The following PCDH15 variants were observed in gnomAD, a reference collection of about 807,000 sequenced individuals.
PCDH15 encodes protocadherin related 15.
PCDH15 carries 129 observed loss-of-function variants against 178.5 expected under a neutral mutation model. The ratio of observed to expected loss-of-function variants is 0.72; its 90% confidence interval spans 0.63 to 0.84. The LOEUF is 0.84. Among genes scored for constraint, PCDH15 ranks in the 40% least tolerant of loss-of-function variants. PCDH15 has a pLI of 0.00. For synonymous variants in PCDH15, 800 were observed against 732.0 expected (o/e 1.09, Z -1.50); for missense variants, 2,230 against 2,099.9 (o/e 1.06, Z -1.21).
At chr10:55,303,710 T>G (rs1001043647) in intron 1 of PCDH15, among the ~76,000 whole-genome samples, 1 of 152,162 alleles carries the variant, frequency 6.6e-6, no homozygotes, top group African/African-American at 2.4e-5. Context: ...TTGTTTGTAA[T>G]ATTATCTTAT....
intron 2 of PCDH15, among the ~76,000 whole-genome samples, chr10:55,554,147 A>G (rs1342898357): frequency 6.6e-6 from 1 of 152,040 alleles, no homozygotes; most frequent in East Asian, 1.9e-4. Context: ...CAGTGATCTA[A>G]TAATTCTGAA....
intron 32 of PCDH15, among the ~76,000 whole-genome samples, chr10:53,827,041 A>T (rs1027213983): frequency 1.3e-5 from 2 of 151,674 alleles, no homozygotes; most frequent in African/African-American, 4.8e-5. Flanking sequence ...TATTTTTCAG[A>T]ATCTATTTAT....
At chr10:54,520,561 A>T (rs986314542) in intron 3 of PCDH15, among the ~76,000 whole-genome samples, 2 of 152,084 alleles carry the variant, frequency 1.3e-5, no homozygotes, top group Non-Finnish European at 2.9e-5. Context: ...AAGTCAGGAA[A>T]CAACAGGTGC....
At chr10:54,766,859 G>A (rs1374041226) in intron 1 of PCDH15, among the ~76,000 whole-genome samples, 1 of 151,988 alleles carries the variant, frequency 6.6e-6, no homozygotes, top group Non-Finnish European at 1.5e-5. Flanking sequence ...GAACCCCGGA[G>A]GTGGAGCTTG....
intron 3 of PCDH15, among the ~76,000 whole-genome samples, chr10:54,513,366 T>C (rs556306662): frequency 5.8e-4 from 88 of 152,014 alleles, no homozygotes; most frequent in Non-Finnish European, 1.1e-3. Flanking sequence ...GTTTAAGTGA[T>C]TCTCATGCCT....
At chr10:55,314,225 T>C (rs1178130450) in intron 1 of PCDH15, among the ~76,000 whole-genome samples, 3 of 144,536 alleles carry the variant, frequency 2.1e-5, no homozygotes, top group Non-Finnish European at 4.6e-5. Flanking sequence ...ATATATGTAA[T>C]GATAATATCT....
Position 55,334,314 on chromosome 10 carries a change from A to ATT in PCDH15, c.-155-167665_-155-167664dup, listed in dbSNP as rs11419000. Reference sequence around the variant, plus strand: ...TGTATATATCTATATATATATATATATTTTTTTTTTGAGACAGAGTTTCGC... The same window carrying ATT: ...TGTATATATCTATATATATATATATATTTTTTTTTTTTGAGACAGAGTTTCGC... On this transcript the variant is annotated intron_variant, in intron 2 of 5. Coordinates refer to the PCDH15 transcript ENST00000613346. Among the ~76,000 whole-genome samples, 123 of 119,586 alleles carry ATT rather than the reference A, an allele frequency of 1.0e-3. 1 individual carries two copies. Among genetic ancestry groups the ATT allele is most frequent in the East Asian group, 2.4e-3 (10 of 4,238 alleles). 78.5% of individuals were successfully genotyped at this position (119,586 alleles called of 152,430 possible).
chr10:54,739,966 G>A (rs117069587), intron 1 of PCDH15, among the ~76,000 whole-genome samples: 8,340 of 152,012 alleles, frequency 0.055, 261 homozygotes, highest in Middle Eastern at 0.14. Flanking sequence ...CAGGACTTTG[G>A]TCTAGACAAA....
chr10:54,688,736 G>A (rs184614553), intron 1 of PCDH15, among the ~76,000 whole-genome samples: 1 of 151,966 alleles, frequency 6.6e-6, no homozygotes, highest in African/African-American at 2.4e-5. Flanking sequence ...TCACAAAGAA[G>A]TTAAACCCCA....
chr10:54,353,486 T>C (rs1338365548), intron 5 of PCDH15, among the ~76,000 whole-genome samples: 1 of 152,210 alleles, frequency 6.6e-6, no homozygotes, highest in East Asian at 1.9e-4. Context: ...ACACAAAAAA[T>C]ATAATATTTT....
intron 2 of PCDH15, chr10:54,655,671 G>C (rs1196885881): frequency 6.6e-6 from 1 of 152,028 alleles, no homozygotes; most frequent in East Asian, 1.9e-4. Flanking sequence ...CACAGAGTTT[G>C]TATTTCTGAA....
intron 7 of PCDH15, among the ~76,000 whole-genome samples, chr10:54,327,943 A>T (rs190254653): frequency 6.6e-6 from 1 of 152,102 alleles, no homozygotes; most frequent in Admixed American, 6.6e-5. Context: ...AAAGTTGTAC[A>T]TTGGTTACAA....
intron 8 of PCDH15, among the ~76,000 whole-genome samples, chr10:54,256,221 G>A (rs1158902831): frequency 1.3e-5 from 2 of 152,120 alleles, no homozygotes; most frequent in Admixed American, 6.5e-5. Flanking sequence ...AAGATGGTCA[G>A]CTAGGCTCAC....
At chr10:55,153,130 T>C (rs937325662) in intron 2 of PCDH15, among the ~76,000 whole-genome samples, 1 of 152,218 alleles carries the variant, frequency 6.6e-6, no homozygotes, top group African/African-American at 2.4e-5. Flanking sequence ...ATCATTTAAC[T>C]GATCTACTTT....
intron 2 of PCDH15, among the ~76,000 whole-genome samples, chr10:55,158,908 G>C (rs1269523740): frequency 6.6e-6 from 1 of 150,862 alleles, no homozygotes; most frequent in Non-Finnish European, 1.5e-5. Flanking sequence ...GAAAAAACAA[G>C]AGCTCAAGAT....
At chr10:53,821,607 A>C (rs898546557) in intron 32 of PCDH15, 19 of 1,217,056 alleles carry the variant, frequency 1.6e-5, no homozygotes, top group Non-Finnish European at 3.1e-6. Context: ...GATTAAAATT[A>C]CTTACTTTTC....
intron 2 of PCDH15, among the ~76,000 whole-genome samples, chr10:55,480,457 G>A (rs1840155889): frequency 6.6e-6 from 1 of 151,614 alleles, no homozygotes; most frequent in African/African-American, 2.4e-5. Context: ...TAAGATGTTG[G>A]TGGTGAGTCT....
chr10:54,096,926 T>C (rs2094710539), intron 15 of PCDH15, among the ~76,000 whole-genome samples: 1 of 152,218 alleles, frequency 6.6e-6, no homozygotes, highest in Non-Finnish European at 1.5e-5. Flanking sequence ...CAAATCAATG[T>C]TTCCAGTTAC....
At chr10:54,247,379 C>T (rs924408283) in intron 8 of PCDH15, among the ~76,000 whole-genome samples, 1 of 151,910 alleles carries the variant, frequency 6.6e-6, no homozygotes, top group African/African-American at 2.4e-5. Context: ...ATATGGCACA[C>T]GGAGACTCAA....
Sources: gnomAD v4.1 joint callset for allele counts (sites outside exome capture counted in the v4.1 genomes callset) on GRCh38, gnomAD v4.1.1 for gene constraint, MANE v1.5 for transcripts, NCBI Gene and HGNC (gene_info 2026-07-23, HGNC 2026-07-21) for gene names.